The following PHF24 variants were observed in gnomAD, a reference collection of about 807,000 sequenced individuals.
PHF24 encodes the protein PHD finger protein 24.
In PHF24, 25 loss-of-function variants were observed where a neutral mutation model predicts 42.6. That is an observed-to-expected ratio of 0.59 (90% CI 0.43 to 0.82). The LOEUF (loss-of-function observed/expected upper bound fraction) is 0.82, where lower values mean the gene tolerates loss of function less well. Ranked by LOEUF, PHF24 falls within the 40% of genes least tolerant of loss-of-function variation. PHF24 has a pLI of 0.00. For missense variants in PHF24, 470 were observed against 538.1 expected (o/e 0.87, Z 1.25); for synonymous variants, 185 against 204.8 (o/e 0.90, Z 0.83).
chr9:34,667,315 C>T, the PHF24 span, among the ~76,000 whole-genome samples: 2 of 152,204 alleles, frequency 1.3e-5, no homozygotes, highest in Non-Finnish European at 2.9e-5. Flanking sequence ...TCCCTCATCC[C>T]ACCCTCTTTC....
chr9:34,883,671 T>A, the PHF24 span, among the ~76,000 whole-genome samples: 3 of 152,278 alleles, frequency 2.0e-5, no homozygotes, highest in African/African-American at 7.2e-5. Context: ...TGAGATACCA[T>A]CTCACACCAG....
the PHF24 span, among the ~76,000 whole-genome samples, chr9:34,938,518 C>T: frequency 1.3e-5 from 2 of 152,154 alleles, no homozygotes; most frequent in Non-Finnish European, 2.9e-5. Context: ...ATGGTTATAT[C>T]GCCAGGATTA....
At chr9:34,728,709 G>T in the PHF24 span, 347 of 1,485,772 alleles carry the variant, frequency 2.3e-4, 4 homozygotes, top group South Asian at 4.1e-3. Flanking sequence ...TCTTTCTCAT[G>T]TCCAAAATGA....
the PHF24 span, among the ~76,000 whole-genome samples, chr9:34,817,148 TA>T: frequency 6.6e-6 from 1 of 152,234 alleles, no homozygotes; most frequent in Non-Finnish European, 1.5e-5. Flanking sequence ...AAATATAAAT[TA>T]TTTTTAACTA....
intron 3 of PHF24, among the ~76,000 whole-genome samples, chr9:34,972,853 G>A (rs1419417247): frequency 6.7e-6 from 1 of 148,632 alleles, no homozygotes; most frequent in Non-Finnish European, 1.5e-5. Context: ...GGCGGAGGTT[G>A]CAGCGAGCCG....
the PHF24 span, among the ~76,000 whole-genome samples, chr9:34,811,654 G>A: frequency 6.6e-6 from 1 of 151,984 alleles, no homozygotes; most frequent in African/African-American, 2.4e-5. Flanking sequence ...AGGCTAAATA[G>A]CCTAAGACAA....
the PHF24 span, chr9:34,689,631 A>T: frequency 1.5e-6 from 1 of 653,938 alleles, no homozygotes; most frequent in South Asian, 1.9e-5. This position sits in a 1 kb window ranked among gnomAD's most constrained non-coding sequence, Gnocchi z 4.1. Context: ...GAGCAGCTTT[A>T]CTCTGACCAC....
chr9:34,809,049 AT>A, the PHF24 span, among the ~76,000 whole-genome samples: 8,357 of 113,286 alleles, frequency 0.074, 452 homozygotes, highest in African/African-American at 0.19. This position sits in a 1 kb window ranked among gnomAD's most constrained non-coding sequence, Gnocchi z 4.1. Flanking sequence ...AAAAAAAAAA[AT>A]AATAAATAAA....
chr9:34,835,509 G>A, the PHF24 span: 3 of 1,551,772 alleles, frequency 1.9e-6, no homozygotes, highest in African/African-American at 1.4e-5. Flanking sequence ...AGGGTTTCTG[G>A]GTTCAGGGAC....
At chr9:34,975,223 C>A (rs1308704567) in intron 3 of PHF24, among the ~76,000 whole-genome samples, 7 of 152,198 alleles carry the variant, frequency 4.6e-5, no homozygotes, top group Non-Finnish European at 8.8e-5. Context: ...TTCCCTCACA[C>A]ACACACTCAC....
the PHF24 span, chr9:34,665,858 G>A: frequency 1.7e-6 from 1 of 599,156 alleles, no homozygotes; most frequent in South Asian, 2.0e-5. Flanking sequence ...AAGTTAAGGG[G>A]TGAGGAGGCC....
chr9:34,845,074 A>G, the PHF24 span, among the ~76,000 whole-genome samples: 1 of 152,198 alleles, frequency 6.6e-6, no homozygotes, highest in Non-Finnish European at 1.5e-5. Flanking sequence ...CCATCATTAT[A>G]TAATGACCTT....
chr9:34,820,127 G>A, the PHF24 span, among the ~76,000 whole-genome samples: 22 of 149,346 alleles, frequency 1.5e-4, no homozygotes, highest in Non-Finnish European at 3.0e-4. Context: ...AATAATATTA[G>A]CATTATATAA....
the PHF24 span, among the ~76,000 whole-genome samples, chr9:34,703,715 T>C: frequency 7.2e-6 from 1 of 139,802 alleles, no homozygotes; most frequent in Non-Finnish European, 1.7e-5. Context: ...TAAACTTGCT[T>C]TCACTTAAAA....
chr9:34,900,667 G>T, the PHF24 span, among the ~76,000 whole-genome samples: 1 of 152,170 alleles, frequency 6.6e-6, no homozygotes, highest in Non-Finnish European at 1.5e-5. Context: ...GACTGCTATG[G>T]TTTGAATGTG....
At chr9:34,779,828 C>T in the PHF24 span, among the ~76,000 whole-genome samples, 527 of 152,182 alleles carry the variant, frequency 3.5e-3, 4 homozygotes, top group African/African-American at 0.012. Flanking sequence ...TAAGTTCAAG[C>T]GATTCTCCTG....
At chr9:34,685,335 C>T in the PHF24 span, among the ~76,000 whole-genome samples, 747 of 152,200 alleles carry the variant, frequency 4.9e-3, 7 homozygotes, top group African/African-American at 0.017. Context: ...TTCTCTACTC[C>T]TCTGTTGTTG....
chr9:34,674,665 A>G, the PHF24 span, among the ~76,000 whole-genome samples: 127 of 152,368 alleles, frequency 8.3e-4, no homozygotes, highest in African/African-American at 2.9e-3. Flanking sequence ...ATTATGTTTT[A>G]TTATTGGGAA....
At chr9:34,894,745 T>A in the PHF24 span, among the ~76,000 whole-genome samples, 2 of 152,220 alleles carry the variant, frequency 1.3e-5, no homozygotes, top group African/African-American at 2.4e-5. Flanking sequence ...AGAACAAGAC[T>A]GAGAGTTGAA....
Sources: allele counts gnomAD v4.1 joint callset (sites outside exome capture counted in the v4.1 genomes callset), GRCh38; gene constraint gnomAD v4.1.1; non-coding constraint Gnocchi (gnomAD v3.1); transcripts MANE v1.5; gene names NCBI Gene and HGNC (gene_info 2026-07-23, HGNC 2026-07-21).